Variants in COL21A1 observed in about 807,000 individuals in gnomAD.
COL21A1 encodes the protein collagen alpha-1(XXI) chain.
In COL21A1, 149 loss-of-function variants were observed where a neutral mutation model predicts 137.9. The ratio of observed to expected loss-of-function variants is 1.08; its 90% CI spans 0.95 to 1.24. The LOEUF is 1.24. Among genes scored for constraint, COL21A1 ranks in the 50% most tolerant of loss-of-function variants. The pLI is 0.00. For missense variants in COL21A1, 1,167 were observed against 1,158.4 expected, an observed-to-expected ratio of 1.01 and a Z score of -0.11; for synonymous variants, 456 against 391.5, an observed-to-expected ratio of 1.16 and a Z score of -1.95.
chr6:56,391,652 A>T (rs568107497), intron 1 of COL21A1, among the ~76,000 whole-genome samples: 1 of 152,300 alleles, frequency 6.6e-6, no homozygotes, highest in South Asian at 2.1e-4. Context: ...GACCATTATG[A>T]GCAACCACAT....
At position 56,074,227 on chromosome 6, in the gene COL21A1, T is replaced by C; in HGVS notation, c.1965+5A>G. ...TCCCAGTCTTGTTTATTTTATCATA[T>C]TTACCTTAGATCCCGGTGTTCCAGG... On this transcript the variant is annotated splice_donor_5th_base_variant and intron_variant, in intron 20 of 29. Coordinates refer to ENST00000244728, the MANE Select transcript of COL21A1 (RefSeq NM_030820.4). 6.3e-7 allele frequency: 1 copy of C among 1,575,052 alleles called. No homozygotes were observed. Among genetic ancestry groups the C allele is most frequent in the Non-Finnish European group, 8.6e-7 (1 of 1,160,934 alleles).
rs553239598 is a variant in COL21A1 at position 56,214,861 on chromosome 6, T to C, written c.-38-32205A>G. On this transcript the variant is annotated intron_variant, in intron 1 of 29. Transcript: ENST00000244728. ...CCCAGGATTGACTCCAGTCTTTGAC[T>C]TTGCTTCATGTAAGTTTCTTTTATG... is the stretch of plus-strand genomic sequence containing the variant. Among the ~76,000 whole-genome samples, 14 of 152,212 alleles carry C rather than the reference T, an allele frequency of 9.2e-5. No homozygotes were observed. In the East Asian group the frequency reaches 2.7e-3, roughly 29 times the overall value.
chr6:56,378,556 C>T (rs1199236913), intron 1 of COL21A1, among the ~76,000 whole-genome samples: 3 of 152,172 alleles, frequency 2.0e-5, no homozygotes, highest in Admixed American at 1.3e-4. Context: ...AGCTCAGCTG[C>T]GGTACAATAG....
At chr6:56,280,778 C>A (rs1763770671) in intron 1 of COL21A1, among the ~76,000 whole-genome samples, 1 of 152,048 alleles carries the variant, frequency 6.6e-6, no homozygotes, top group South Asian at 2.1e-4. Flanking sequence ...TTTGGGAGGT[C>A]AATGTGGGTG....
Position 56,170,719 on chromosome 6 carries a change from AT to A in COL21A1, c.955del (p.Ile319SerfsTer9). On this transcript the variant is annotated frameshift_variant, in exon 5 of 30. Coordinates refer to ENST00000244728, the MANE Select transcript of COL21A1 (RefSeq NM_030820.4). LOFTEE classifies it high-confidence loss of function. Reference protein sequence around the residue: ...IAVTLNGVDKILLFTTTSVIN... With the variant: ...IAVTLNGVDKXLLFTTTSVIN... ...TACGCTGGTTGTTGTAAATAATAAG[AT>A]TTTGTCCACACCATTTAAGGTAACT... The A allele has an allele frequency of 3.1e-6, 5 of 1,607,418 alleles. No homozygotes were observed. Among genetic ancestry groups the A allele is most frequent in the Non-Finnish European group, 4.3e-6 (5 of 1,176,002 alleles).
At chr6:56,124,381 A>G in intron 14 of COL21A1, 89 bp from the exon 15 acceptor site, 1 of 1,236,800 alleles carries the variant, frequency 8.1e-7, no homozygotes, top group Non-Finnish European at 1.2e-6. Flanking sequence ...CTACTAAGTT[A>G]ACATCATTAT....
chr6:56,372,445 G>A (rs984567411), intron 1 of COL21A1, among the ~76,000 whole-genome samples: 68 of 152,136 alleles, frequency 4.5e-4, no homozygotes, highest in Admixed American at 2.6e-4. Context: ...ATGTGTCAAC[G>A]CATCAAGAGT....
intron 25 of COL21A1, 53 bp downstream of exon 25, chr6:56,061,596 C>A: frequency 3.8e-6 from 5 of 1,332,034 alleles, no homozygotes; most frequent in African/African-American, 1.5e-5. Flanking sequence ...GAAACCCAAG[C>A]AAAAAGGACC....
rs376619591 is a variant in COL21A1, at chr6:56,061,658, T to A, written c.2196A>T (p.Ala732=). 6.3e-7 allele frequency: 1 copy of A among 1,589,006 alleles called. No individual in the cohort carries two copies. Among genetic ancestry groups the A allele is most frequent in the Non-Finnish European group, 8.6e-7 (1 of 1,162,332 alleles). The change falls in exon 25 of 30, where the codon GCA becomes GCT. Residue 732 remains alanine (A), a synonymous_variant. Coordinates refer to ENST00000244728, the MANE Select transcript of COL21A1 (RefSeq NM_030820.4). The part of the protein sequence containing the change: ...GQQGIQGHHG[A]KGERGEKGEP... ...ATATGAAGAAACATACCTCTCCTTT[T>A]GCACCATGATGGCCTTGAATTCCCT...
chr6:56,314,265 G>C (rs577161645), intron 1 of COL21A1, among the ~76,000 whole-genome samples: 9 of 152,120 alleles, frequency 5.9e-5, no homozygotes, highest in South Asian at 4.2e-4. Flanking sequence ...TTACAGGCGT[G>C]AGCCACCGCA....
chr6:56,273,986 A>G (rs1403458333), intron 1 of COL21A1, among the ~76,000 whole-genome samples: 2 of 152,218 alleles, frequency 1.3e-5, no homozygotes, highest in Non-Finnish European at 2.9e-5. Flanking sequence ...CCTCAAAAAA[A>G]TGCTATCAAA....
chr6:56,078,921 A>T (rs1022059539), intron 17 of COL21A1, among the ~76,000 whole-genome samples: 23 of 151,728 alleles, frequency 1.5e-4, no homozygotes, highest in African/African-American at 5.6e-4. Flanking sequence ...ACAATATAAA[A>T]CACAATCACA....
intron 12 of COL21A1, among the ~76,000 whole-genome samples, chr6:56,138,338 C>T (rs7454056): frequency 0.15 from 22,256 of 148,876 alleles, 1,692 homozygotes; most frequent in Middle Eastern, 0.23. Context: ...TTTATATATA[C>T]ATTTATATCC....
At chr6:56,125,011 CTTTTTTTTTTT>C (rs70986773) in intron 14 of COL21A1, among the ~76,000 whole-genome samples, 1 of 54,842 alleles carries the variant, frequency 1.8e-5, no homozygotes. Flanking sequence ...ATCTGTAAAT[CTTTTTTTTTTT>C]TTTTTTTTTT....
chr6:56,347,260 G>T (rs1218068095), intron 1 of COL21A1, among the ~76,000 whole-genome samples: 2 of 152,036 alleles, frequency 1.3e-5, no homozygotes, highest in Admixed American at 6.6e-5. Context: ...CACCTGAGAA[G>T]CCATGCCTAA....
At chr6:56,334,463 C>G (rs904980024) in intron 1 of COL21A1, among the ~76,000 whole-genome samples, 4 of 152,140 alleles carry the variant, frequency 2.6e-5, no homozygotes, top group African/African-American at 9.7e-5. Context: ...GGCATTATTA[C>G]TTCTGGCCCT....
At chr6:56,377,398 G>A (rs1042772193) in intron 1 of COL21A1, among the ~76,000 whole-genome samples, 2 of 152,122 alleles carry the variant, frequency 1.3e-5, no homozygotes, top group African/African-American at 4.8e-5. Flanking sequence ...TGAGTGGAGA[G>A]AAGGGCATTT....
At chr6:56,335,915 T>G (rs1765321137) in intron 1 of COL21A1, among the ~76,000 whole-genome samples, 1 of 152,202 alleles carries the variant, frequency 6.6e-6, no homozygotes, top group African/African-American at 2.4e-5. Flanking sequence ...ATTTTAACTG[T>G]GAGAGTCTGG....
In COL21A1 at chr6:56,065,065, TA is replaced by T. The variant is rs5876487; in HGVS notation, c.2128-444del. Among the ~76,000 whole-genome samples, 102 of 150,728 alleles carry T rather than the reference TA, an allele frequency of 6.8e-4. No individual in the cohort carries two copies. The East Asian group carries it at 6.8e-3, about 10-fold the overall frequency. On this transcript the variant is annotated intron_variant, in intron 23 of 29. Coordinates refer to ENST00000244728, the MANE Select transcript of COL21A1 (RefSeq NM_030820.4). The stretch of plus-strand genomic sequence containing the variant: ...ATTAAAATATACTGTCACATTTTAG[TA>T]AAAAAAAAGCCATTTAAATGAAGAG...
Sources: gnomAD v4.1 joint callset for allele counts (sites outside exome capture counted in the v4.1 genomes callset) on GRCh38, gnomAD v4.1.1 for gene constraint, MANE v1.5 for transcripts, NCBI Gene and HGNC (gene_info 2026-07-23, HGNC 2026-07-21) for gene names.